Variants in CAMTA1 observed in about 807,000 individuals in gnomAD.
The protein encoded by CAMTA1 is calmodulin binding transcription activator 1, also known as calmodulin-binding transcription activator 1.
In CAMTA1, 27 loss-of-function variants were observed where a neutral mutation model predicts 170.9. That is an observed-to-expected ratio of 0.16 (90% CI 0.12 to 0.22). CAMTA1 has a LOEUF of 0.22. CAMTA1 is among the 10% of genes least tolerant of loss of function. The pLI, the probability that CAMTA1 is intolerant of heterozygous loss-of-function variation, is 1.00. For synonymous variants in CAMTA1, 833 were observed against 891.5 expected (o/e 0.93, Z 1.17); for missense variants, 1,619 against 2,217.2 (o/e 0.73, Z 5.42).
chr1:6,828,515 C>T (rs1648205167), intron 3 of CAMTA1, among the ~76,000 whole-genome samples: 1 of 152,036 alleles, frequency 6.6e-6, no homozygotes, highest in South Asian at 2.1e-4. Flanking sequence ...TGGTCTCCAT[C>T]TCTTGACCTT....
chr1:7,745,040 G>C lies in CAMTA1; in HGVS notation c.4370+18G>C, dbSNP rs1415545444. 3.7e-6 allele frequency: 6 copies of C among 1,601,710 alleles called. No homozygotes were observed. The highest frequency in any genetic ancestry group is 5.1e-6 in the Non-Finnish European group (6 of 1,173,766). On this transcript the variant is annotated intron_variant, in intron 17 of 22. Coordinates refer to ENST00000303635, the MANE Select transcript of CAMTA1 (RefSeq NM_015215.4). ...CAGATCCGGTGAGTAAAGTTACGGAGGTCACTACCCAGCATAGATTCCCGG... is the reference window on the plus strand; with the variant it reads ...CAGATCCGGTGAGTAAAGTTACGGACGTCACTACCCAGCATAGATTCCCGG...
chr1:7,152,749 C>T (rs1013912547), intron 4 of CAMTA1, among the ~76,000 whole-genome samples: 2 of 152,176 alleles, frequency 1.3e-5, no homozygotes, highest in Non-Finnish European at 2.9e-5. Context: ...TGGGCAGGCT[C>T]GGGGAGAACC....
intron 11 of CAMTA1, among the ~76,000 whole-genome samples, chr1:7,705,608 G>A (rs1038400531): frequency 1.3e-5 from 2 of 151,934 alleles, no homozygotes; most frequent in Non-Finnish European, 1.5e-5. Flanking sequence ...CCTCAACACG[G>A]GTTTTTGGGA....
At chr1:6,975,393 G>T (rs1360528818) in intron 3 of CAMTA1, among the ~76,000 whole-genome samples, 1 of 152,152 alleles carries the variant, frequency 6.6e-6, no homozygotes, top group African/African-American at 2.4e-5. Flanking sequence ...GTTATTGTTT[G>T]TTTTTCATCA....
At chr1:7,283,095 T>A (rs1029938475) in intron 5 of CAMTA1, among the ~76,000 whole-genome samples, 6 of 152,024 alleles carry the variant, frequency 3.9e-5, no homozygotes, top group Admixed American at 2.0e-4. Context: ...AATAATTATA[T>A]AAAAGAGCAT....
intron 5 of CAMTA1, among the ~76,000 whole-genome samples, chr1:7,316,597 G>A (rs565128998): frequency 2.0e-5 from 3 of 152,166 alleles, no homozygotes; most frequent in Admixed American, 6.5e-5. Context: ...TCTAGTGTTC[G>A]TAACAATTCT....
chr1:7,714,168 G>A (rs558622369), intron 11 of CAMTA1, among the ~76,000 whole-genome samples: 1 of 152,326 alleles, frequency 6.6e-6, no homozygotes, highest in South Asian at 2.1e-4. Context: ...TTGCAGTAAA[G>A]AGACTTCTTG....
chr1:6,855,709 G>C (rs766873558), intron 3 of CAMTA1, among the ~76,000 whole-genome samples: 4 of 152,104 alleles, frequency 2.6e-5, no homozygotes, highest in Non-Finnish European at 5.9e-5. Flanking sequence ...GTTTAATGTG[G>C]ATAATTACTA....
At chr1:6,954,398 T>C (rs1295709043) in intron 3 of CAMTA1, among the ~76,000 whole-genome samples, 1 of 152,222 alleles carries the variant, frequency 6.6e-6, no homozygotes, top group Non-Finnish European at 1.5e-5. Flanking sequence ...CTCCAGCTTA[T>C]TTATCCTCAT....
intron 3 of CAMTA1, among the ~76,000 whole-genome samples, chr1:7,069,908 C>T (rs1017085701): frequency 1.3e-5 from 2 of 152,204 alleles, no homozygotes; most frequent in African/African-American, 4.8e-5. Context: ...AAGCATTGTG[C>T]AGCTGAGACT....
intron 7 of CAMTA1, among the ~76,000 whole-genome samples, chr1:7,657,273 A>G (rs74053155): frequency 0.067 from 10,164 of 152,202 alleles, 1,122 homozygotes; most frequent in African/African-American, 0.23. Context: ...ACCTGAGCAG[A>G]CCAGGGACCA....
intron 4 of CAMTA1, among the ~76,000 whole-genome samples, chr1:7,094,059 G>A (rs1165413999): frequency 6.6e-6 from 1 of 152,186 alleles, no homozygotes; most frequent in Non-Finnish European, 1.5e-5. Flanking sequence ...ACTTCGACAG[G>A]CGTCTGCCAG....
chr1:7,670,860 C>A, intron 9 of CAMTA1, 51 bp from the exon 10 acceptor site: 1 of 1,601,910 alleles, frequency 6.2e-7, no homozygotes, highest in Non-Finnish European at 8.5e-7. Context: ...CCCATGCTGC[C>A]TCCCACAGTG....
At chr1:7,584,151 AAAG>A (rs1285556842) in intron 6 of CAMTA1, among the ~76,000 whole-genome samples, 2 of 152,150 alleles carry the variant, frequency 1.3e-5, no homozygotes, top group Non-Finnish European at 2.9e-5. Flanking sequence ...GATGCTTGTT[AAAG>A]ATGATAAGGC....
At position 7,705,665 on chromosome 1, in the gene CAMTA1, T is replaced by G. The variant is rs187328116; in HGVS notation, c.2915-26783T>G. Among the ~76,000 whole-genome samples, 1,340 of 152,168 alleles carry G rather than the reference T, an allele frequency of 8.8e-3. 13 individuals carry two copies. Among genetic ancestry groups the G allele is most frequent in the African/African-American group, 0.029 (1,212 of 41,550 alleles). ...CGGCGGGGCCCGCGGAGCTCCCGGT[T>G]TCCCTGGGCAGACAGGTGCGAGGCG... On this transcript the variant is annotated intron_variant, in intron 11 of 22. Transcript: ENST00000303635.
intron 5 of CAMTA1, among the ~76,000 whole-genome samples, chr1:7,359,219 A>G (rs2085356273): frequency 6.8e-6 from 1 of 147,576 alleles, no homozygotes; most frequent in Non-Finnish European, 1.5e-5. Context: ...CTGGAGACCC[A>G]GGGGTCAGTG....
In CAMTA1 at chr1:7,634,218, G is replaced by A. The variant is rs2095692913; in HGVS notation, c.511-6182G>A. On this transcript the variant is annotated intron_variant, in intron 6 of 22. Coordinates refer to ENST00000303635, the MANE Select transcript of CAMTA1 (RefSeq NM_015215.4). This position sits in a 1 kb window ranked among gnomAD's most constrained non-coding sequence, Gnocchi z 6.2. ...GCGCAGGAGAGCAGGTGGAGGATCA[G>A]ACTTGGTCATTGCAGGCAGGGGGTA... Among the ~76,000 whole-genome samples, 1 of 152,168 alleles carries A rather than the reference G, an allele frequency of 6.6e-6. No homozygotes were observed. The highest frequency in any genetic ancestry group is 6.5e-5 in the Admixed American group (1 of 15,276).
chr1:7,230,805 G>A (rs1662649715), intron 4 of CAMTA1, among the ~76,000 whole-genome samples: 1 of 152,014 alleles, frequency 6.6e-6, no homozygotes, highest in Non-Finnish European at 1.5e-5. Context: ...TTGGGGAGAT[G>A]GCATGAGGGA....
chr1:7,153,590 G>A (rs2148703115), intron 4 of CAMTA1, among the ~76,000 whole-genome samples: 1 of 152,212 alleles, frequency 6.6e-6, no homozygotes, highest in South Asian at 2.1e-4. Context: ...AGTATGCAAG[G>A]AGAAAGGTCC....
Sources: gnomAD v4.1 joint callset for allele counts (sites outside exome capture counted in the v4.1 genomes callset) on GRCh38, gnomAD v4.1.1 for gene constraint, Gnocchi (gnomAD v3.1) non-coding constraint, MANE v1.5 for transcripts, NCBI Gene and HGNC (gene_info 2026-07-23, HGNC 2026-07-21) for gene names.